The following PTER variants were observed in gnomAD, a reference collection of about 807,000 sequenced individuals.
PTER encodes N-acetyltaurine hydrolase.
In PTER, 38 loss-of-function variants were observed where a neutral mutation model predicts 29.6. The observed-to-expected ratio is 1.28, with a 90% CI of 0.99 to 1.68. The LOEUF is 1.68. Among genes scored for constraint, PTER ranks in the 40% most tolerant of loss-of-function variants. The pLI, the probability that PTER is intolerant of heterozygous loss-of-function variation, is 0.00. For missense variants in PTER, 482 were observed against 427.8 expected, an observed-to-expected ratio of 1.13 and a Z score of -1.12; for synonymous variants, 172 against 154.5, an observed-to-expected ratio of 1.11 and a Z score of -0.84.
In PTER at chr10:16,444,426, T is replaced by C. The variant is rs528734513; in HGVS notation, c.-49+7379T>C. Among the ~76,000 whole-genome samples the C allele has an allele frequency of 3.4e-4, 51 of 151,608 alleles. 1 individual carries two copies. Among genetic ancestry groups the C allele is most frequent in the African/African-American group, 1.1e-3 (45 of 41,262 alleles). On this transcript the variant is annotated intron_variant, in intron 1 of 4. Transcript: ENST00000535784. ...GGATTACAGGTGCTCAATACCTCAA[T>C]ACCACGCCTGGTTTTTTTTTTTTGG...
intron 3 of PTER, among the ~76,000 whole-genome samples, chr10:16,492,316 T>C (rs1470997132): frequency 6.6e-6 from 1 of 152,224 alleles, no homozygotes; most frequent in Non-Finnish European, 1.5e-5. Flanking sequence ...ACTTAAGTGT[T>C]CCTGTTTGGT....
intron 1 of PTER, among the ~76,000 whole-genome samples, chr10:16,473,023 A>AG (rs1480302167): frequency 6.6e-6 from 1 of 151,856 alleles, no homozygotes; most frequent in East Asian, 1.9e-4. Context: ...TTCAACCAAA[A>AG]AAAAAAAAAG....
At chr10:16,452,846 A>C (rs1834264663) in intron 1 of PTER, among the ~76,000 whole-genome samples, 1 of 152,002 alleles carries the variant, frequency 6.6e-6, no homozygotes, top group African/African-American at 2.4e-5. Context: ...TCCACCACCC[A>C]GGTTCAAGTG....
intron 3 of PTER, among the ~76,000 whole-genome samples, chr10:16,501,389 A>C (rs139252747): frequency 2.7e-3 from 405 of 150,742 alleles, no homozygotes; most frequent in African/African-American, 9.3e-3. Context: ...ACACACACAC[A>C]CCCCATAGTA....
intron 2 of PTER, among the ~76,000 whole-genome samples, chr10:16,485,786 T>C (rs1428502161): frequency 6.6e-6 from 1 of 152,150 alleles, no homozygotes; most frequent in Non-Finnish European, 1.5e-5. Context: ...CTGGAATAAA[T>C]AGGAGAGAAT....
intron 1 of PTER, among the ~76,000 whole-genome samples, chr10:16,468,653 G>A (rs1253000797): frequency 1.3e-5 from 2 of 152,108 alleles, no homozygotes; most frequent in Non-Finnish European, 2.9e-5. Flanking sequence ...ACCGCAACGA[G>A]CTCAAAGTCT....
intron 1 of PTER, 106 bp downstream of exon 1, chr10:16,437,153 C>T (rs1833678203): frequency 2.0e-5 from 3 of 152,236 alleles, no homozygotes; most frequent in African/African-American, 7.2e-5. Context: ...CAGAGCTCCA[C>T]GCGAGGGTCC....
Position 16,481,812 on chromosome 10 carries a change from C to T in PTER, c.-48-2525C>T, listed in dbSNP as rs746500774. 5.3e-5 allele frequency among the ~76,000 whole-genome samples: 8 copies of T among 152,148 alleles called. No homozygotes were observed. In the East Asian group the frequency reaches 9.6e-4, roughly 18 times the overall value. The stretch of plus-strand genomic sequence containing the variant: ...TGCCCCTCTGTGACTCTCTGGAACA[C>T]GTCTGTAAGATGGTCAGCCAGAAGG... On this transcript the variant is annotated intron_variant, in intron 1 of 4. Transcript: ENST00000535784.
intron 3 of PTER, among the ~76,000 whole-genome samples, chr10:16,492,892 G>A (rs1023730054): frequency 7.2e-5 from 11 of 152,318 alleles, no homozygotes; most frequent in Admixed American, 3.3e-4. Context: ...TAGGGAACTG[G>A]CCGACAGCAC....
At chr10:16,514,066 T>G, downstream of PTER, 1 of 363,934 alleles carries the variant, frequency 2.7e-6, no homozygotes, top group Non-Finnish European at 4.9e-6. Context: ...TTATTTCAAT[T>G]AGACCTTCTC....
At chr10:16,467,499 A>G (rs938379525) in intron 1 of PTER, among the ~76,000 whole-genome samples, 4 of 152,196 alleles carry the variant, frequency 2.6e-5, no homozygotes, top group African/African-American at 9.6e-5. Flanking sequence ...GTAGTTGGGT[A>G]CAGAATAATA....
intron 1 of PTER, among the ~76,000 whole-genome samples, chr10:16,457,039 A>C (rs1374312605): frequency 1.3e-5 from 2 of 152,228 alleles, no homozygotes; most frequent in South Asian, 2.1e-4. Context: ...TTTTTTAAAT[A>C]AATTACCCAG....
At chr10:16,476,903 T>TC (rs200152484) in intron 1 of PTER, among the ~76,000 whole-genome samples, 1 of 102,910 alleles carries the variant, frequency 9.7e-6, no homozygotes, top group Non-Finnish European at 1.7e-5. Context: ...CTAGAATTCT[T>TC]TTTTTTTTTT....
intron 1 of PTER, among the ~76,000 whole-genome samples, chr10:16,479,261 C>T (rs1161586384): frequency 6.6e-6 from 1 of 152,112 alleles, no homozygotes; most frequent in East Asian, 1.9e-4. Flanking sequence ...TTCATTCAGG[C>T]ATGGTTACTG....
At chr10:16,486,812 T>C (rs1381456509) in intron 3 of PTER, 195 bp downstream of exon 3, 2 of 613,688 alleles carry the variant, frequency 3.3e-6, no homozygotes, top group Non-Finnish European at 5.6e-6. Context: ...GTCCCTCCTC[T>C]GTGTCAGATA....
chr10:16,483,767 A>T (rs1305151392), intron 1 of PTER, among the ~76,000 whole-genome samples: 1 of 152,026 alleles, frequency 6.6e-6, no homozygotes, highest in African/African-American at 2.4e-5. Flanking sequence ...AATCCCTTGA[A>T]CCCAGGAGGC....
chr10:16,440,088 C>T (rs1833793466), intron 1 of PTER, among the ~76,000 whole-genome samples: 1 of 77,072 alleles, frequency 1.3e-5, no homozygotes, highest in Non-Finnish European at 2.4e-5. Context: ...TTTTTTGTGG[C>T]AGGGTCTCAC....
intron 1 of PTER, among the ~76,000 whole-genome samples, chr10:16,440,683 A>G (rs577485845): frequency 6.6e-6 from 1 of 152,306 alleles, no homozygotes; most frequent in Admixed American, 6.5e-5. Flanking sequence ...ATTTGTCACA[A>G]TCACTTTCCC....
At chr10:16,441,644 C>T (rs369321996) in intron 1 of PTER, among the ~76,000 whole-genome samples, 3 of 152,112 alleles carry the variant, frequency 2.0e-5, no homozygotes, top group African/African-American at 4.8e-5. Flanking sequence ...TATAGTCAGG[C>T]GAGTGATATG....
Sources: gnomAD v4.1 joint callset for allele counts (sites outside exome capture counted in the v4.1 genomes callset) on GRCh38, gnomAD v4.1.1 for gene constraint, MANE v1.5 for transcripts, NCBI Gene and HGNC (gene_info 2026-07-23, HGNC 2026-07-21) for gene names.